Variants in ITPR1 observed in about 807,000 individuals in gnomAD.
The protein encoded by ITPR1 is inositol 1,4,5-trisphosphate-gated calcium channel ITPR1.
In ITPR1, 96 loss-of-function variants were observed where a neutral mutation model predicts 318.4. The observed-to-expected ratio is 0.30, with a 90% CI of 0.26 to 0.36. The LOEUF is 0.36. Among genes scored for constraint, ITPR1 ranks in the 10% least tolerant of loss-of-function variants. ITPR1 has a pLI of 1.00. For synonymous variants in ITPR1, 1,312 were observed against 1,289.9 expected (o/e 1.02, Z -0.37); for missense variants, 2,440 against 3,460.2 (o/e 0.71, Z 7.40).
intron 4 of ITPR1, among the ~76,000 whole-genome samples, chr3:4,528,875 T>G (rs963001534): frequency 1.1e-4 from 17 of 152,180 alleles, no homozygotes; most frequent in Admixed American, 1.1e-3. Flanking sequence ...CATTTCAGAT[T>G]TACTAGTTTA....
chr3:4,828,601 C>T (rs2050234726), intron 60 of ITPR1, among the ~76,000 whole-genome samples: 1 of 152,186 alleles, frequency 6.6e-6, no homozygotes, highest in Admixed American at 6.5e-5. Flanking sequence ...CACCATGGCA[C>T]CCTGTGGGTG....
intron 44 of ITPR1, among the ~76,000 whole-genome samples, chr3:4,760,581 G>A (rs2045366914): frequency 6.6e-6 from 1 of 152,216 alleles, no homozygotes; most frequent in African/African-American, 2.4e-5. Context: ...GGAACCAAAT[G>A]TATTGTTTTA....
chr3:4,587,367 G>A (rs1317328186), intron 4 of ITPR1, among the ~76,000 whole-genome samples: 1 of 146,536 alleles, frequency 6.8e-6, no homozygotes, highest in Non-Finnish European at 1.5e-5. Flanking sequence ...TCCACCTCCC[G>A]GGTTCAAGCA....
rs1360324926 is a variant in ITPR1, at chr3:4,777,289, A to G, written c.6206A>G (p.Asn2069Ser). The G allele has an allele frequency of 2.5e-6, 4 of 1,605,588 alleles. No individual in the cohort carries two copies. The highest frequency in any genetic ancestry group is 2.2e-5 in the East Asian group (1 of 44,724). ...AACTGCATAGCCACCCATGAATCCA[A>G]TGGCATTGACATCATCACAGCCCTG... The part of the protein sequence containing the change: ...NQNCIATHES[N>S]GIDIITALIL... The change falls in exon 48 of 62, where the codon AAT becomes AGT. Residue 2069 changes from asparagine to serine, a missense_variant. This residue lies in a region of ITPR1 where 76 missense variants were observed against 162.1 expected (regional missense o/e 0.47). Transcript: ENST00000649015.
intron 2 of ITPR1, among the ~76,000 whole-genome samples, chr3:4,516,236 G>T (rs1048791661): frequency 6.6e-6 from 1 of 152,184 alleles, no homozygotes; most frequent in African/African-American, 2.4e-5. Context: ...GCATGGTTTT[G>T]TTAGAAACAA....
chr3:4,638,891 C>T (rs2093269299), intron 5 of ITPR1, among the ~76,000 whole-genome samples: 2 of 152,152 alleles, frequency 1.3e-5, no homozygotes, highest in African/African-American at 4.8e-5. Flanking sequence ...ATGTGAGGTG[C>T]AGGTACCATC....
chr3:4,693,170 C>T (rs996678412), intron 32 of ITPR1, among the ~76,000 whole-genome samples: 21 of 152,118 alleles, frequency 1.4e-4, no homozygotes, highest in Admixed American at 1.3e-4. Context: ...AATATCATAG[C>T]CTAATTGGTA....
intron 4 of ITPR1, among the ~76,000 whole-genome samples, chr3:4,581,030 T>C (rs2089282600): frequency 6.6e-6 from 1 of 152,214 alleles, no homozygotes; most frequent in Non-Finnish European, 1.5e-5. Context: ...ACCTGGGATA[T>C]AAACCTGTCC....
At chr3:4,712,645 C>G (rs1365308054) in intron 39 of ITPR1, among the ~76,000 whole-genome samples, 1 of 152,194 alleles carries the variant, frequency 6.6e-6, no homozygotes, top group African/African-American at 2.4e-5. Flanking sequence ...CATTTTTCAG[C>G]TCTAGGAAGA....
At chr3:4,683,901 T>G (rs1456471275) in intron 28 of ITPR1, 103 bp downstream of exon 28, 1 of 1,068,732 alleles carries the variant, frequency 9.4e-7, no homozygotes, top group Non-Finnish European at 1.3e-6. Flanking sequence ...AGGATTTATT[T>G]TCAAGAGATC....
At chr3:4,785,202 G>C (rs944395968) in intron 51 of ITPR1, among the ~76,000 whole-genome samples, 1 of 152,224 alleles carries the variant, frequency 6.6e-6, no homozygotes, top group Admixed American at 6.5e-5. Flanking sequence ...GGCTCAGAGA[G>C]ACTGTGTCAC....
chr3:4,835,855 G>C (rs2050872581), intron 60 of ITPR1, among the ~76,000 whole-genome samples: 2 of 152,180 alleles, frequency 1.3e-5, no homozygotes, highest in African/African-American at 4.8e-5. Flanking sequence ...ACTGTTTACA[G>C]GCATAAGCTA....
intron 46 of ITPR1, among the ~76,000 whole-genome samples, chr3:4,772,968 C>T (rs1464679350): frequency 6.6e-6 from 1 of 152,202 alleles, no homozygotes; most frequent in Admixed American, 6.5e-5. Flanking sequence ...GTCCTCTTCC[C>T]TCCATTCATT....
rs2042442451 is a variant in ITPR1 at position 4,725,464 on chromosome 3, T to C, written c.5137-82T>C. 6 of 1,160,850 alleles carry C rather than the reference T, an allele frequency of 5.2e-6. No homozygotes were observed. The South Asian group carries it at 7.5e-5, about 14-fold the overall frequency. 71.9% of individuals were successfully genotyped at this position (1,160,850 alleles called of 1,614,324 possible). ...TGATCCTTCCTCCTGTGTTTTGTCCTTGAGTGTTGGTCTCTGGACTTCTCT... is the reference window on the plus strand; with the variant it reads ...TGATCCTTCCTCCTGTGTTTTGTCCCTGAGTGTTGGTCTCTGGACTTCTCT... On this transcript the variant is annotated intron_variant, in intron 40 of 61. Transcript: ENST00000649015.
At chr3:4,638,930 C>G (rs2093270848) in intron 5 of ITPR1, among the ~76,000 whole-genome samples, 1 of 152,162 alleles carries the variant, frequency 6.6e-6, no homozygotes, top group African/African-American at 2.4e-5. Context: ...GGAGGAGACC[C>G]AGGCTCACTG....
At chr3:4,665,933 G>A (rs2093937415) in intron 17 of ITPR1, among the ~76,000 whole-genome samples, 1 of 152,042 alleles carries the variant, frequency 6.6e-6, no homozygotes, top group South Asian at 2.1e-4. Flanking sequence ...AAGAATATTT[G>A]GCAACATCTG....
chr3:4,777,868 A>G (rs2046578862), intron 48 of ITPR1, among the ~76,000 whole-genome samples: 1 of 152,144 alleles, frequency 6.6e-6, no homozygotes, highest in Non-Finnish European at 1.5e-5. Flanking sequence ...TCACTGATTT[A>G]GCAGAAGGGT....
At chr3:4,633,191 C>T (rs2093070138) in intron 5 of ITPR1, among the ~76,000 whole-genome samples, 2 of 152,156 alleles carry the variant, frequency 1.3e-5, no homozygotes, top group Admixed American at 6.5e-5. Context: ...CTGCCTTGGC[C>T]TGCCAAAGTG....
At position 4,815,204 on chromosome 3, in the gene ITPR1, C is replaced by T. The variant is rs1268978821; in HGVS notation, c.7853C>T (p.Thr2618Met). 4 of 1,613,756 alleles carry T rather than the reference C, an allele frequency of 2.5e-6. No individual in the cohort carries two copies. Among genetic ancestry groups the T allele is most frequent in the Admixed American group, 1.7e-5 (1 of 60,006 alleles). ...AAGAAGGAAGAGATCTTGAAGACCA[C>T]GTGCTTTATCTGTGGTGAGTGTCGC... The part of the protein sequence containing the change: ...KQKKEEILKT[T>M]CFICGLERDK... The change falls in exon 59 of 62, where the codon ACG becomes ATG. Residue 2618 changes from threonine (T) to methionine (M), a missense_variant. Thr to Met is a moderately conservative substitution (Grantham distance 81). Transcript: ENST00000649015.
Sources: allele counts gnomAD v4.1 joint callset (sites outside exome capture counted in the v4.1 genomes callset), GRCh38; gene constraint gnomAD v4.1.1; regional missense constraint gnomAD v4.1.1; transcripts MANE v1.5; gene names NCBI Gene and HGNC (gene_info 2026-07-23, HGNC 2026-07-21).